Variants in ANGPT1 observed in about 807,000 individuals in gnomAD.
The protein encoded by ANGPT1 is angiopoietin-1.
A neutral mutation model predicts 62.2 loss-of-function variants in ANGPT1; 17 were observed. The observed-to-expected ratio is 0.27, with a 90% CI of 0.19 to 0.41. The LOEUF (loss-of-function observed/expected upper bound fraction) is 0.41. ANGPT1 is among the 10% of genes least tolerant of loss of function. The pLI, the probability that ANGPT1 is intolerant of heterozygous loss-of-function variation, is 1.00. For synonymous variants in ANGPT1, 199 were observed against 198.9 expected, an observed-to-expected ratio of 1.00 and a Z score of 0.00; for missense variants, 478 against 594.9, an observed-to-expected ratio of 0.80 and a Z score of 2.04.
At position 107,419,031 on chromosome 8, in the gene ANGPT1, A is replaced by G. The variant is rs561769289; in HGVS notation, c.298-71934T>C. On this transcript the variant is annotated intron_variant, in intron 1 of 8. Transcript: ENST00000517746. ...ATCCTAAAGCCAAGAACAAACTGATATGTGTACATGTATCAATAGTATATT... is the reference window on the plus strand; with the variant it reads ...ATCCTAAAGCCAAGAACAAACTGATGTGTGTACATGTATCAATAGTATATT... Among the ~76,000 whole-genome samples the G allele has an allele frequency of 3.3e-5, 5 of 152,340 alleles. No homozygotes were observed. In the South Asian group the frequency reaches 8.3e-4, roughly 25 times the overall value.
rs1488413435 is a variant in ANGPT1 at position 107,477,609 on chromosome 8, T to A, written c.297+19653A>T. On this transcript the variant is annotated intron_variant, in intron 1 of 8. Transcript: ENST00000517746. ...GTGAAGTAATTTCATACTTATCATC[T>A]CACATAATCATAACTTCATTAATCT... is the stretch of plus-strand genomic sequence containing the variant. Among the ~76,000 whole-genome samples, 6 of 152,176 alleles carry A rather than the reference T, an allele frequency of 3.9e-5. 1 individual carries two copies. Among genetic ancestry groups the A allele is most frequent in the Non-Finnish European group, 4.4e-5 (3 of 68,032 alleles).
At chr8:107,365,592 G>T (rs991352219) in intron 1 of ANGPT1, among the ~76,000 whole-genome samples, 9 of 152,076 alleles carry the variant, frequency 5.9e-5, no homozygotes, top group Non-Finnish European at 1.2e-4. Flanking sequence ...GTCTAACATG[G>T]AAAGGTCATG....
chr8:107,427,637 C>T (rs1470219568), intron 1 of ANGPT1, among the ~76,000 whole-genome samples: 3 of 152,178 alleles, frequency 2.0e-5, no homozygotes, highest in Non-Finnish European at 4.4e-5. Context: ...CAAGTAAGAT[C>T]TTCCACAATA....
At chr8:107,293,665 C>A (rs143614954) in intron 6 of ANGPT1, among the ~76,000 whole-genome samples, 3 of 152,128 alleles carry the variant, frequency 2.0e-5, no homozygotes, top group Admixed American at 2.0e-4. Context: ...TAGCTTCCCC[C>A]ACCCTCATGC....
chr8:107,369,933 T>A (rs1460323192), intron 1 of ANGPT1, among the ~76,000 whole-genome samples: 1 of 151,684 alleles, frequency 6.6e-6, no homozygotes, highest in African/African-American at 2.4e-5. Flanking sequence ...AGCCCAGGAG[T>A]TGAAGATCAG....
intron 1 of ANGPT1, among the ~76,000 whole-genome samples, chr8:107,452,769 A>T (rs1020203792): frequency 6.6e-6 from 1 of 152,012 alleles, no homozygotes; most frequent in Admixed American, 6.6e-5. Flanking sequence ...AGTGGAGATA[A>T]TAATTTTTAT....
intron 3 of ANGPT1, among the ~76,000 whole-genome samples, chr8:107,333,722 T>G (rs1380344242): frequency 6.6e-6 from 1 of 151,864 alleles, no homozygotes; most frequent in African/African-American, 2.4e-5. Flanking sequence ...TTTTGAGAGC[T>G]TGCACCCTAA....
chr8:107,262,326 A>G (rs1813511851), intron 8 of ANGPT1, among the ~76,000 whole-genome samples: 1 of 152,240 alleles, frequency 6.6e-6, no homozygotes, highest in Admixed American at 6.5e-5. Flanking sequence ...TCAAGAGTTA[A>G]AAGATGGTAA....
chr8:107,319,402 C>T (rs1178943472), intron 4 of ANGPT1, among the ~76,000 whole-genome samples: 3 of 152,210 alleles, frequency 2.0e-5, no homozygotes, highest in South Asian at 2.1e-4. Flanking sequence ...TGGATGACGA[C>T]ACAGCTCGTG....
At chr8:107,418,428 C>T (rs1391201238) in intron 1 of ANGPT1, among the ~76,000 whole-genome samples, 1 of 152,034 alleles carries the variant, frequency 6.6e-6, no homozygotes, top group East Asian at 1.9e-4. Context: ...GTGATGATAC[C>T]AAGTTGCTTA....
intron 1 of ANGPT1, among the ~76,000 whole-genome samples, chr8:107,348,101 G>A (rs1026633093): frequency 1.2e-4 from 18 of 152,186 alleles, no homozygotes; most frequent in African/African-American, 4.1e-4. Flanking sequence ...GAGAAATCAG[G>A]TCCAAGGCCA....
intron 6 of ANGPT1, among the ~76,000 whole-genome samples, chr8:107,287,891 C>A (rs1176499424): frequency 1.3e-5 from 2 of 152,132 alleles, no homozygotes; most frequent in Non-Finnish European, 2.9e-5. Flanking sequence ...ATAACCGAAG[C>A]ACTTAACTGA....
chr8:107,293,777 T>G (rs1814341405), intron 6 of ANGPT1, among the ~76,000 whole-genome samples, 159 bp downstream of exon 6: 1 of 152,198 alleles, frequency 6.6e-6, no homozygotes, highest in South Asian at 2.1e-4. Context: ...CTGAAAGTGA[T>G]TTATGAGTGT....
intron 1 of ANGPT1, among the ~76,000 whole-genome samples, chr8:107,402,886 A>T (rs1284125981): frequency 6.6e-6 from 1 of 152,186 alleles, no homozygotes; most frequent in Non-Finnish European, 1.5e-5. Flanking sequence ...TCAGGAAAAC[A>T]TTTGGAGAAA....
At chr8:107,356,031 T>C (rs1420004501) in intron 1 of ANGPT1, among the ~76,000 whole-genome samples, 2 of 152,184 alleles carry the variant, frequency 1.3e-5, no homozygotes, top group Admixed American at 6.5e-5. Context: ...AAATACTGAG[T>C]CTCCCATTGT....
intron 1 of ANGPT1, among the ~76,000 whole-genome samples, chr8:107,481,096 C>A (rs1041939730): frequency 6.6e-6 from 1 of 152,182 alleles, no homozygotes; most frequent in Non-Finnish European, 1.5e-5. Context: ...TCAGCAGAGT[C>A]CTTCTTCACA....
At chr8:107,494,361 G>T (rs1311657544) in intron 1 of ANGPT1, among the ~76,000 whole-genome samples, 2 of 152,060 alleles carry the variant, frequency 1.3e-5, no homozygotes, top group East Asian at 3.8e-4. Flanking sequence ...GAGGCCAGCT[G>T]TATTTATCAT....
intron 1 of ANGPT1, among the ~76,000 whole-genome samples, chr8:107,401,272 G>GAA (rs3036541): frequency 0.12 from 18,077 of 145,512 alleles, 1,402 homozygotes; most frequent in Non-Finnish European, 0.18. Flanking sequence ...CACTAAACAA[G>GAA]AAAAAAAAAA....
At chr8:107,468,398 T>G (rs897652091) in intron 1 of ANGPT1, among the ~76,000 whole-genome samples, 3 of 152,082 alleles carry the variant, frequency 2.0e-5, no homozygotes, top group Admixed American at 1.3e-4. Context: ...AAACCAGTTG[T>G]TAGGCTGAAC....
Sources: allele counts gnomAD v4.1 joint callset (sites outside exome capture counted in the v4.1 genomes callset), GRCh38; gene constraint gnomAD v4.1.1; transcripts MANE v1.5; gene names NCBI Gene and HGNC (gene_info 2026-07-23, HGNC 2026-07-21).